The following CFAP210 variants were observed in gnomAD, a reference collection of about 807,000 sequenced individuals.
CFAP210 encodes cilia and flagella associated protein 210, also known as cilia- and flagella- associated protein 210.
the CFAP210 span, among the ~76,000 whole-genome samples, chr2:169,681,837 G>A: frequency 8.5e-5 from 13 of 152,316 alleles, no homozygotes; most frequent in East Asian, 1.3e-3. Flanking sequence ...TCTTCTGGGA[G>A]AGACATCCAA....
At chr2:169,685,330 A>G in the CFAP210 span, among the ~76,000 whole-genome samples, 10 of 152,242 alleles carry the variant, frequency 6.6e-5, no homozygotes, top group Admixed American at 3.9e-4. Context: ...ATCTCACTGT[A>G]GTGTTGATTT....
chr2:169,653,178 ATAAAG>A, the CFAP210 span, among the ~76,000 whole-genome samples: 1 of 150,288 alleles, frequency 6.7e-6, no homozygotes. Flanking sequence ...ATAATTTTAA[ATAAAG>A]TAGTCAGAGA....
At chr2:169,684,693 G>A in the CFAP210 span, among the ~76,000 whole-genome samples, 3 of 152,104 alleles carry the variant, frequency 2.0e-5, no homozygotes, top group Admixed American at 6.5e-5. Context: ...TGTCTCCATC[G>A]CCCAGGGTGG....
the CFAP210 span, among the ~76,000 whole-genome samples, chr2:169,668,639 G>A: frequency 6.6e-6 from 1 of 152,144 alleles, no homozygotes; most frequent in African/African-American, 2.4e-5. Flanking sequence ...TTTCAATATT[G>A]TTGTGTCTCA....
the CFAP210 span, among the ~76,000 whole-genome samples, chr2:169,675,735 T>G: frequency 1.3e-5 from 2 of 152,192 alleles, no homozygotes; most frequent in African/African-American, 4.8e-5. Flanking sequence ...TCTCCTCTCA[T>G]TCTAAGATAA....
At chr2:169,681,296 G>T in the CFAP210 span, 1 of 1,203,838 alleles carries the variant, frequency 8.3e-7, no homozygotes, top group Non-Finnish European at 1.2e-6. Flanking sequence ...ATATTCGTCT[G>T]AGAAGTTCCG....
At chr2:169,685,402 A>G in the CFAP210 span, among the ~76,000 whole-genome samples, 232 of 152,310 alleles carry the variant, frequency 1.5e-3, 5 homozygotes, top group African/African-American at 5.0e-3. Context: ...CTATTTATAC[A>G]TCTTGTTTGG....
chr2:169,670,742 T>C, the CFAP210 span, among the ~76,000 whole-genome samples: 1 of 152,300 alleles, frequency 6.6e-6, no homozygotes, highest in East Asian at 1.9e-4. Context: ...GGTTCCCCAA[T>C]GAGCAATCCA....
At chr2:169,684,137 A>G in the CFAP210 span, among the ~76,000 whole-genome samples, 1 of 152,154 alleles carries the variant, frequency 6.6e-6, no homozygotes, top group Non-Finnish European at 1.5e-5. Flanking sequence ...GGCAGGCCAC[A>G]GTTGAATGAA....
the CFAP210 span, among the ~76,000 whole-genome samples, chr2:169,662,796 C>T: frequency 1.7e-3 from 255 of 152,350 alleles, no homozygotes; most frequent in African/African-American, 5.8e-3. Flanking sequence ...GATGATGCTA[C>T]ATAAGCCATG....
At chr2:169,671,118 C>T in the CFAP210 span, among the ~76,000 whole-genome samples, 1 of 152,170 alleles carries the variant, frequency 6.6e-6, no homozygotes, top group Non-Finnish European at 1.5e-5. Context: ...CTACAAAAGA[C>T]ACCATGAGCC....
At chr2:169,692,293 C>A in the CFAP210 span, among the ~76,000 whole-genome samples, 1 of 152,106 alleles carries the variant, frequency 6.6e-6, no homozygotes, top group Non-Finnish European at 1.5e-5. Context: ...CTCGGTAATT[C>A]ATAAGGAATA....
chr2:169,663,106 AT>A, the CFAP210 span, among the ~76,000 whole-genome samples: 1 of 152,120 alleles, frequency 6.6e-6, no homozygotes, highest in Non-Finnish European at 1.5e-5. Context: ...TAAGCAGTTG[AT>A]TAAAGACTCC....
the CFAP210 span, among the ~76,000 whole-genome samples, chr2:169,646,450 AACTC>A: frequency 6.6e-6 from 1 of 152,162 alleles, no homozygotes; most frequent in African/African-American, 2.4e-5. Flanking sequence ...ATTTAGATAA[AACTC>A]AGGTAACTGA....
At chr2:169,681,630 T>C in the CFAP210 span, among the ~76,000 whole-genome samples, 1 of 152,214 alleles carries the variant, frequency 6.6e-6, no homozygotes, top group African/African-American at 2.4e-5. Flanking sequence ...TTTGGGGCTG[T>C]AGGCACTATG....
chr2:169,678,115 C>A, the CFAP210 span, among the ~76,000 whole-genome samples: 1 of 151,706 alleles, frequency 6.6e-6, no homozygotes, highest in African/African-American at 2.4e-5. Flanking sequence ...CCGAGGTGGG[C>A]GGATCATCTG....
chr2:169,656,841 G>A, the CFAP210 span, among the ~76,000 whole-genome samples: 3 of 151,422 alleles, frequency 2.0e-5, no homozygotes, highest in Admixed American at 2.0e-4. Flanking sequence ...GTGGGTGCCT[G>A]TAATCCCAGC....
chr2:169,694,304 C>T, the CFAP210 span: 1 of 1,614,074 alleles, frequency 6.2e-7, no homozygotes, highest in Non-Finnish European at 8.5e-7. Flanking sequence ...CAAACCGTAC[C>T]AGCATCTCTG....
chr2:169,681,931 A>C, the CFAP210 span, among the ~76,000 whole-genome samples: 1 of 152,252 alleles, frequency 6.6e-6, no homozygotes, highest in African/African-American at 2.4e-5. Flanking sequence ...GAATGAAGTT[A>C]TTATTGCAAA....
Sources: allele counts gnomAD v4.1 joint callset (sites outside exome capture counted in the v4.1 genomes callset), GRCh38; gene constraint gnomAD v4.1.1; transcripts MANE v1.5; gene names NCBI Gene and HGNC (gene_info 2026-07-23, HGNC 2026-07-21).